CCSER2: variants seen among roughly 807,000 people sequenced by gnomAD.
The protein encoded by CCSER2 is serine-rich coiled-coil domain-containing protein 2.
A neutral mutation model predicts 92.3 loss-of-function variants in CCSER2; 46 were observed. The observed-to-expected ratio is 0.50, with a 90% confidence interval of 0.39 to 0.64. The LOEUF is 0.64. Among genes scored for constraint, CCSER2 ranks in the 30% least tolerant of loss-of-function variants. The probability of loss-of-function intolerance (pLI) is 0.00; values close to 1 mark genes in which losing one functional copy is unlikely to be tolerated. For missense variants in CCSER2, 1,244 were observed against 1,238.9 expected, an observed-to-expected ratio of 1.00 and a Z score of -0.06; for synonymous variants, 433 against 431.4, an observed-to-expected ratio of 1.00 and a Z score of -0.04.
intron 9 of CCSER2, among the ~76,000 whole-genome samples, chr10:84,504,646 ACT>A (rs1381234107): frequency 6.6e-6 from 1 of 152,166 alleles, no homozygotes; most frequent in Non-Finnish European, 1.5e-5. Flanking sequence ...CCTATAGGAA[ACT>A]CTTATGTATA....
chr10:84,391,618 T>C (rs1237865691), intron 3 of CCSER2: 21 of 1,531,778 alleles, frequency 1.4e-5, no homozygotes, highest in Non-Finnish European at 1.3e-5. Flanking sequence ...CTTATATTCC[T>C]ATGGTGTTGC....
intron 6 of CCSER2, chr10:84,455,997 GC>G (rs907275114): frequency 1.1e-5 from 6 of 554,382 alleles, no homozygotes; most frequent in Non-Finnish European, 2.1e-5. Context: ...TTTCCTAGTA[GC>G]CTTCTCCAGC....
intron 7 of CCSER2, among the ~76,000 whole-genome samples, chr10:84,467,863 T>A (rs867449723): frequency 1.3e-5 from 2 of 152,140 alleles, no homozygotes; most frequent in Admixed American, 1.3e-4. Flanking sequence ...ATTTCTTCTC[T>A]CCCTTTTCAT....
chr10:84,485,128 C>A (rs1366817944), intron 9 of CCSER2, among the ~76,000 whole-genome samples: 1 of 152,084 alleles, frequency 6.6e-6, no homozygotes, highest in Admixed American at 6.5e-5. Context: ...ATGTGGAGAT[C>A]TTTTTTATTT....
Position 84,384,962 on chromosome 10 carries a change from C to T in CCSER2, c.1614+11147C>T, listed in dbSNP as rs1189190480. Among the ~76,000 whole-genome samples the T allele has an allele frequency of 2.0e-5, 3 of 151,562 alleles. No individual in the cohort carries two copies. The East Asian group carries it at 5.8e-4, about 29-fold the overall frequency. On this transcript the variant is annotated intron_variant, in intron 3 of 9. Coordinates refer to ENST00000372088, the MANE Select transcript of CCSER2 (RefSeq NM_001284240.2). Reference sequence around the variant, plus strand: ...TTGGTATATCCATACACCATCAGTGCTCAAACAGAACCAAATTGAGAGCTG... The same window carrying T: ...TTGGTATATCCATACACCATCAGTGTTCAAACAGAACCAAATTGAGAGCTG...
At chr10:84,374,798 C>T (rs1172875811) in intron 3 of CCSER2, among the ~76,000 whole-genome samples, 1 of 152,158 alleles carries the variant, frequency 6.6e-6, no homozygotes, top group Non-Finnish European at 1.5e-5. Context: ...TACGATTTTC[C>T]AGTAGTTGTA....
intron 5 of CCSER2, among the ~76,000 whole-genome samples, chr10:84,436,569 A>T (rs1216634219): frequency 6.9e-6 from 1 of 144,240 alleles, no homozygotes; most frequent in East Asian, 2.1e-4. Context: ...CCCGAGGCGG[A>T]GCTTGCAGTG....
chr10:84,511,148 C>T (rs148893523), intron 9 of CCSER2, among the ~76,000 whole-genome samples: 88 of 152,096 alleles, frequency 5.8e-4, no homozygotes, highest in Non-Finnish European at 1.1e-3. Context: ...CTGTTAAATT[C>T]CTCTCGGTTG....
intron 1 of CCSER2, among the ~76,000 whole-genome samples, chr10:84,329,518 A>T (rs557210214): frequency 5.3e-5 from 8 of 152,150 alleles, no homozygotes; most frequent in Admixed American, 5.2e-4. Flanking sequence ...CTGGTCTCAG[A>T]TTAGAGTGTT....
rs555211060 is a variant in CCSER2 at position 84,425,120 on chromosome 10, T to G, written c.1706-611T>G. 2.7e-5 allele frequency: 27 copies of G among 982,738 alleles called. No individual in the cohort carries two copies. In the East Asian group the frequency reaches 2.6e-3, roughly 95 times the overall value. 60.9% of individuals were successfully genotyped at this position (982,738 alleles called of 1,614,324 possible). A position where few individuals can be genotyped will look rare whatever the true frequency, so the allele number is the denominator to read the frequency against. On this transcript the variant is annotated intron_variant, in intron 4 of 9. Coordinates refer to ENST00000372088, the MANE Select transcript of CCSER2 (RefSeq NM_001284240.2). Reference sequence around the variant, plus strand: ...TTTGTGGTATTTGGGTTTAAGGGAGTGTACTGTTTGTTGCTGCAAACTACT... The same window carrying G: ...TTTGTGGTATTTGGGTTTAAGGGAGGGTACTGTTTGTTGCTGCAAACTACT...
intron 1 of CCSER2, among the ~76,000 whole-genome samples, chr10:84,358,940 A>G (rs1434967965): frequency 1.3e-5 from 2 of 152,106 alleles, no homozygotes; most frequent in Non-Finnish European, 2.9e-5. Flanking sequence ...ACAGAAGCTT[A>G]TGAGTTGAAA....
Position 84,517,052 on chromosome 10 carries a change from T to G in CCSER2, c.*2785T>G, listed in dbSNP as rs928407906. The G allele has an allele frequency of 6.6e-6, 1 of 152,188 alleles. No individual in the cohort carries two copies. The highest frequency in any genetic ancestry group is 2.4e-5 in the African/African-American group (1 of 41,446). 9.4% of individuals were successfully genotyped at this position (152,188 alleles called of 1,614,324 possible). On this transcript the variant is annotated 3_prime_UTR_variant, in exon 10 of 10. Coordinates refer to ENST00000372088, the MANE Select transcript of CCSER2 (RefSeq NM_001284240.2). Reference sequence around the variant, plus strand: ...ATTTGGCTTGATCTGTGTTTATTGCTTCTATTAATGTAAATCAACTCTGTG... The same window carrying G: ...ATTTGGCTTGATCTGTGTTTATTGCGTCTATTAATGTAAATCAACTCTGTG...
intron 5 of CCSER2, among the ~76,000 whole-genome samples, chr10:84,437,146 CACACAG>C (rs1253239443): frequency 8.2e-5 from 8 of 97,938 alleles, no homozygotes; most frequent in Non-Finnish European, 2.0e-4. Flanking sequence ...CACACACACA[CACACAG>C]AGAGAGAGAG....
At chr10:84,483,953 T>TTATATATATA (rs57427963) in intron 9 of CCSER2, among the ~76,000 whole-genome samples, 29 of 48,016 alleles carry the variant, frequency 6.0e-4, no homozygotes, top group East Asian at 2.0e-3. Context: ...CCCGGCTAAT[T>TTATATATATA]TATATATATA....
At chr10:84,360,104 T>G (rs1845417262) in intron 1 of CCSER2, among the ~76,000 whole-genome samples, 1 of 152,204 alleles carries the variant, frequency 6.6e-6, no homozygotes, top group African/African-American at 2.4e-5. Flanking sequence ...TGAGCCACTG[T>G]GCCTGGCTGG....
At chr10:84,389,494 C>G (rs894939207) in intron 3 of CCSER2, 8 of 305,526 alleles carry the variant, frequency 2.6e-5, no homozygotes, top group Non-Finnish European at 5.2e-5. Context: ...CTGTAATTCT[C>G]AGATCCTTCG....
At position 84,402,340 on chromosome 10, in the gene CCSER2, A is replaced by G. The variant is rs529017197; in HGVS notation, c.1615-15431A>G. ...AACTTGAAGAGTTTTATTCAAAATAAAGATAGTCTTAAAAGTCTTAATATA... is the reference window on the plus strand; with the variant it reads ...AACTTGAAGAGTTTTATTCAAAATAGAGATAGTCTTAAAAGTCTTAATATA... On this transcript the variant is annotated intron_variant, in intron 3 of 9. Coordinates refer to ENST00000372088, the MANE Select transcript of CCSER2 (RefSeq NM_001284240.2). Among the ~76,000 whole-genome samples the G allele has an allele frequency of 9.2e-5, 14 of 152,316 alleles. 1 individual carries two copies. In the South Asian group the frequency reaches 2.9e-3, roughly 32 times the overall value.
At chr10:84,505,761 G>A (rs1046745399) in intron 9 of CCSER2, among the ~76,000 whole-genome samples, 3 of 152,022 alleles carry the variant, frequency 2.0e-5, no homozygotes, top group African/African-American at 7.2e-5. Flanking sequence ...GGTCCAATAG[G>A]CCTTCCACAA....
chr10:84,332,436 A>ATATATATATATATTT (rs1401635246), intron 1 of CCSER2, among the ~76,000 whole-genome samples: 2 of 55,206 alleles, frequency 3.6e-5, no homozygotes, highest in African/African-American at 2.3e-4. Flanking sequence ...ATATATATAT[A>ATATATATATATATTT]TTTTTTTTTT....
Sources: gnomAD v4.1 joint callset for allele counts (sites outside exome capture counted in the v4.1 genomes callset) on GRCh38, gnomAD v4.1.1 for gene constraint, MANE v1.5 for transcripts, NCBI Gene and HGNC (gene_info 2026-07-23, HGNC 2026-07-21) for gene names.